Variants in RHOQ observed in about 807,000 individuals in gnomAD.
RHOQ encodes ras homolog family member Q.
In RHOQ, 7 loss-of-function variants were observed where a neutral mutation model predicts 25.8. That is an observed-to-expected ratio of 0.27 (90% confidence interval 0.15 to 0.51). The LOEUF is 0.51. Ranked by LOEUF, RHOQ falls within the 20% of genes least tolerant of loss-of-function variation. The pLI, the probability that RHOQ is intolerant of heterozygous loss-of-function variation, is 0.97. For synonymous variants in RHOQ, 97 were observed against 98.6 expected, an observed-to-expected ratio of 0.98 and a Z score of 0.10; for missense variants, 165 against 260.6, an observed-to-expected ratio of 0.63 and a Z score of 2.53.
In RHOQ at chr2:46,567,799, A is replaced by G. The variant is rs180804845; in HGVS notation, c.202-8288A>G. Among the ~76,000 whole-genome samples the G allele has an allele frequency of 1.7e-4, 26 of 152,328 alleles. No homozygotes were observed. The East Asian group carries it at 4.6e-3, about 27-fold the overall frequency. The stretch of plus-strand genomic sequence containing the variant: ...AGTCTGAGGGCCGTGGCTCATGCCT[A>G]TAATCCCAACATTTTAGGGGGCTGA... On this transcript the variant is annotated intron_variant, in intron 2 of 4. Transcript: ENST00000238738.
In RHOQ at chr2:46,566,627, G is replaced by T. The variant is rs1486694701; in HGVS notation, c.202-9460G>T. 6.6e-6 allele frequency among the ~76,000 whole-genome samples: 1 copy of T among 152,070 alleles called. No homozygotes were observed. Among genetic ancestry groups the T allele is most frequent in the Non-Finnish European group, 1.5e-5 (1 of 67,998 alleles). ...CAAATTTTGTGACTTTTTTGCGGGG[G>T]TCGGGGGCTCACCTTTTAATGACTT... On this transcript the variant is annotated intron_variant, in intron 2 of 4. Coordinates refer to ENST00000238738, the MANE Select transcript of RHOQ (RefSeq NM_012249.4). This position sits in a 1 kb window ranked among gnomAD's most constrained non-coding sequence, Gnocchi z 4.2.
chr2:46,571,991 T>G (rs1668931691), intron 2 of RHOQ, among the ~76,000 whole-genome samples: 1 of 151,992 alleles, frequency 6.6e-6, no homozygotes, highest in African/African-American at 2.4e-5. Flanking sequence ...GAAAGGGGTC[T>G]CCAGCTGATG....
chr2:46,562,543 T>C (rs1361579355), intron 2 of RHOQ, among the ~76,000 whole-genome samples: 2 of 152,082 alleles, frequency 1.3e-5, no homozygotes, highest in Admixed American at 6.6e-5. Flanking sequence ...AATCAAGAAG[T>C]TGAGCTGCTA....
chr2:46,544,393 G>A (rs1389454208), intron 2 of RHOQ, among the ~76,000 whole-genome samples: 4 of 152,368 alleles, frequency 2.6e-5, no homozygotes. Flanking sequence ...CCCTGGGGTG[G>A]GGAGGAAGGG....
chr2:46,543,916 T>TAA (rs2103973996), intron 2 of RHOQ, 104 bp downstream of exon 2: 1 of 885,338 alleles, frequency 1.1e-6, no homozygotes, highest in Non-Finnish European at 1.8e-6. Context: ...AGGGTGTGTC[T>TAA]GCGACGGGCT....
rs768144357 is a variant in RHOQ, at chr2:46,583,328, G to A, written c.*2245G>A. 1.3e-5 allele frequency among the ~76,000 whole-genome samples: 2 copies of A among 152,066 alleles called. No homozygotes were observed. The highest frequency in any genetic ancestry group is 2.9e-5 in the Non-Finnish European group (2 of 67,994). The stretch of plus-strand genomic sequence containing the variant: ...TGGTTTCCTCATTATAAATATGGGA[G>A]GTAGAACAGAGATCTCCAACGTCTC... On this transcript the variant is annotated 3_prime_UTR_variant, in exon 5 of 5. Transcript: ENST00000238738.
chr2:46,554,420 A>G (rs1025786969), intron 2 of RHOQ, among the ~76,000 whole-genome samples: 7 of 152,184 alleles, frequency 4.6e-5, no homozygotes, highest in Non-Finnish European at 1.0e-4. Context: ...GATGCGGCCT[A>G]AACACCAAGC....
chr2:46,562,962 G>C (rs1383570662), intron 2 of RHOQ, among the ~76,000 whole-genome samples: 1 of 152,166 alleles, frequency 6.6e-6, no homozygotes, highest in Non-Finnish European at 1.5e-5. Flanking sequence ...CGGTGGACAT[G>C]GTTATAAATT....
chr2:46,563,634 C>G (rs1213043353), intron 2 of RHOQ, among the ~76,000 whole-genome samples: 1 of 152,110 alleles, frequency 6.6e-6, no homozygotes, highest in Non-Finnish European at 1.5e-5. Flanking sequence ...GAATTGATGT[C>G]AACACATCAA....
intron 4 of RHOQ, among the ~76,000 whole-genome samples, chr2:46,577,729 T>C (rs1028274582): frequency 3.3e-5 from 5 of 151,802 alleles, no homozygotes; most frequent in African/African-American, 1.2e-4. Flanking sequence ...TATAGTCTTT[T>C]AAAATGTAGT....
rs1669341473 is a variant in RHOQ, at chr2:46,580,915, TTCTCCC to T, written c.463-10_463-5del. 1 of 1,469,542 alleles carries T rather than the reference TTCTCCC, an allele frequency of 6.8e-7. No homozygotes were observed. The highest frequency in any genetic ancestry group is 9.0e-7 in the Non-Finnish European group (1 of 1,110,568). The allele number at this position is 1,469,542 out of a possible 1,614,324, so 91.0% of individuals were successfully genotyped here. A position where few individuals can be genotyped will look rare whatever the true frequency, so the allele number is the denominator to read the frequency against. On this transcript the variant is annotated splice_polypyrimidine_tract_variant and splice_region_variant and intron_variant, in intron 4 of 4. Transcript: ENST00000238738. Reference sequence around the variant, plus strand: ...TGATCTTATATATTTGTGATTTTTTTTCTCCCTCCCAGATAGGAGCATGCTGCTATG... The same window carrying T: ...TGATCTTATATATTTGTGATTTTTTTTCCCAGATAGGAGCATGCTGCTATG...
At chr2:46,575,921 AAAG>A (rs1572756470) in intron 2 of RHOQ, among the ~76,000 whole-genome samples, 163 bp from the exon 3 acceptor site, 1 of 152,212 alleles carries the variant, frequency 6.6e-6, no homozygotes. Context: ...AGAACTTCAC[AAAG>A]AAGAATAACA....
At chr2:46,550,511 T>C (rs890887029) in intron 2 of RHOQ, among the ~76,000 whole-genome samples, 3 of 152,226 alleles carry the variant, frequency 2.0e-5, no homozygotes, top group Admixed American at 6.5e-5. Context: ...TGTCTCAGAC[T>C]CCGGCCTTTG....
chr2:46,560,650 C>G (rs750051512), intron 2 of RHOQ: 2 of 455,970 alleles, frequency 4.4e-6, no homozygotes. Flanking sequence ...TCTGTTGTGT[C>G]CACTAGCTCC....
At chr2:46,554,724 T>C (rs1321941818) in intron 2 of RHOQ, among the ~76,000 whole-genome samples, 1 of 152,150 alleles carries the variant, frequency 6.6e-6, no homozygotes, top group Non-Finnish European at 1.5e-5. Flanking sequence ...CTCTGCTTTC[T>C]GTGCAAGTGT....
rs369512876 is a variant in RHOQ at position 46,573,416 on chromosome 2, G to A, written c.202-2671G>A. Among the ~76,000 whole-genome samples, 5 of 152,300 alleles carry A rather than the reference G, an allele frequency of 3.3e-5. No individual in the cohort carries two copies. The East Asian group carries it at 9.6e-4, about 29-fold the overall frequency. ...AGGCAGAAGGAATTCATTTTAGATTGTTCAGACTTAAGAAGTAACATTTCT... is the reference window on the plus strand; with the variant it reads ...AGGCAGAAGGAATTCATTTTAGATTATTCAGACTTAAGAAGTAACATTTCT... On this transcript the variant is annotated intron_variant, in intron 2 of 4. Coordinates refer to ENST00000238738, the MANE Select transcript of RHOQ (RefSeq NM_012249.4).
intron 2 of RHOQ, among the ~76,000 whole-genome samples, chr2:46,563,139 G>A (rs1405806326): frequency 6.6e-6 from 1 of 152,048 alleles, no homozygotes. Flanking sequence ...CAGAGACTCA[G>A]GAGGTCTGTG....
chr2:46,576,399 A>C lies in RHOQ; in HGVS notation c.366+148A>C. On this transcript the variant is annotated intron_variant, in intron 3 of 4. Transcript: ENST00000238738. The surrounding 1 kb of genome is among the most constrained non-coding windows in gnomAD (Gnocchi z 5.1). Reference sequence around the variant, plus strand: ...TAATGAGTTCTATCATATTTTTGGAAAAAATTGTGCCAAAAGAAAGCAATT... The same window carrying C: ...TAATGAGTTCTATCATATTTTTGGACAAAATTGTGCCAAAAGAAAGCAATT... 1 of 950,484 alleles carries C rather than the reference A, an allele frequency of 1.1e-6. No homozygotes were observed. Among genetic ancestry groups the C allele is most frequent in the Non-Finnish European group, 1.6e-6 (1 of 637,742 alleles). 58.9% of individuals were successfully genotyped at this position (950,484 alleles called of 1,614,324 possible). A position where few individuals can be genotyped will look rare whatever the true frequency, so the allele number is the denominator to read the frequency against.
intron 2 of RHOQ, among the ~76,000 whole-genome samples, chr2:46,551,472 A>G (rs1468442725): frequency 6.6e-6 from 1 of 152,126 alleles, no homozygotes; most frequent in Non-Finnish European, 1.5e-5. Flanking sequence ...GAGGAACGGC[A>G]GAGGGGGTGA....
Sources: gnomAD v4.1 joint callset for allele counts (sites outside exome capture counted in the v4.1 genomes callset) on GRCh38, gnomAD v4.1.1 for gene constraint, Gnocchi (gnomAD v3.1) non-coding constraint, MANE v1.5 for transcripts, NCBI Gene and HGNC (gene_info 2026-07-23, HGNC 2026-07-21) for gene names.